ACAP1: variants seen among roughly 807,000 people sequenced by gnomAD.
ACAP1 encodes the protein arf-GAP with coiled-coil, ANK repeat and PH domain-containing protein 1.
In ACAP1, 45 loss-of-function variants were observed where a neutral mutation model predicts 98.8. The observed-to-expected ratio is 0.46, with a 90% CI of 0.36 to 0.58. The LOEUF (loss-of-function observed/expected upper bound fraction) is 0.58. Ranked by LOEUF, ACAP1 falls within the 20% of genes least tolerant of loss-of-function variation. ACAP1 has a pLI of 0.00. For synonymous variants in ACAP1, 362 were observed against 375.3 expected, an observed-to-expected ratio of 0.96 and a Z score of 0.41; for missense variants, 735 against 971.4, an observed-to-expected ratio of 0.76 and a Z score of 3.24.
chr17:7,342,491 C>T lies in ACAP1; in HGVS notation c.344+17C>T, dbSNP rs375633532. On this transcript the variant is annotated intron_variant, in intron 5 of 21. Coordinates refer to ENST00000158762, the MANE Select transcript of ACAP1 (RefSeq NM_014716.4). ...GGTCAAGGAGTGAGATGGGGCCGGG[C>T]GCAGTGGCTCATGCCTGTAATCCCA... 4.9e-4 allele frequency: 790 copies of T among 1,613,640 alleles called. 4 individuals are homozygous for T. The highest frequency in any genetic ancestry group is 3.8e-3 in the South Asian group (345 of 91,068).
In ACAP1 at chr17:7,343,639, A is replaced by T. The variant is rs2143016854; in HGVS notation, c.529-67A>T. ...CGAGGCTTGGGGGTCTCCAGTGTGC[A>T]GTGGGAAGGGGTGCTGTGTCTTCAA... On this transcript the variant is annotated intron_variant, in intron 6 of 21. Coordinates refer to ENST00000158762, the MANE Select transcript of ACAP1 (RefSeq NM_014716.4). The surrounding 1 kb of genome is among the most constrained non-coding windows in gnomAD (Gnocchi z 4.9). 3.1e-6 allele frequency: 5 copies of T among 1,597,860 alleles called. No individual in the cohort carries two copies. Among genetic ancestry groups the T allele is most frequent in the Middle Eastern group, 1.7e-4 (1 of 5,978 alleles).
chr17:7,342,187 C>T (rs62059223), intron 3 of ACAP1, 88 bp from the exon 4 acceptor site: 15 of 1,606,682 alleles, frequency 9.3e-6, no homozygotes, highest in African/African-American at 1.3e-5. Flanking sequence ...GGGCTGCTGT[C>T]CATGACAGCC....
rs2073307256 is a variant in ACAP1, at chr17:7,343,107, A to C, written c.345-272A>C. 2.6e-6 allele frequency: 1 copy of C among 379,624 alleles called. No individual in the cohort carries two copies. Among genetic ancestry groups the C allele is most frequent in the African/African-American group, 2.1e-5 (1 of 48,232 alleles). The allele number at this position is 379,624 out of a possible 1,614,324, so 23.5% of individuals were successfully genotyped here. A position where few individuals can be genotyped will look rare whatever the true frequency, so the allele number is the denominator to read the frequency against. ...AAACAAAAACAACAACAACAACAAA[A>C]ATTTTTTAAAGGGGGAGTGAGATGG... On this transcript the variant is annotated intron_variant, in intron 5 of 21. Coordinates refer to ENST00000158762, the MANE Select transcript of ACAP1 (RefSeq NM_014716.4). This position sits in a 1 kb window ranked among gnomAD's most constrained non-coding sequence, Gnocchi z 4.9.
intron 2 of ACAP1, among the ~76,000 whole-genome samples, chr17:7,340,043 T>C (rs1442857379): frequency 6.6e-6 from 1 of 152,152 alleles, no homozygotes; most frequent in African/African-American, 2.4e-5. Context: ...GGAGGGTTGC[T>C]TGAGGCCAGA....
At chr17:7,342,585 G>A (rs932701048) in intron 5 of ACAP1, 111 bp downstream of exon 5, 3 of 1,216,016 alleles carry the variant, frequency 2.5e-6, no homozygotes, top group African/African-American at 3.0e-5. Flanking sequence ...AGCCAACATG[G>A]CGAAACTGTC....
At chr17:7,342,577 C>A in intron 5 of ACAP1, 103 bp downstream of exon 5, 1 of 1,282,436 alleles carries the variant, frequency 7.8e-7, no homozygotes, top group Non-Finnish European at 1.1e-6. Flanking sequence ...ACCAACCTAG[C>A]CAACATGGCG....
Position 7,343,142 on chromosome 17 carries a change from G to T in ACAP1, c.345-237G>T. On this transcript the variant is annotated intron_variant, in intron 5 of 21. Coordinates refer to ENST00000158762, the MANE Select transcript of ACAP1 (RefSeq NM_014716.4). The surrounding 1 kb of genome is among the most constrained non-coding windows in gnomAD (Gnocchi z 4.9). ...AGGGGGAGTGAGATGGGAGAGAAGG[G>T]GGCCTTATTTCTCGGAAACCAGCCC... 1 of 469,586 alleles carries T rather than the reference G, an allele frequency of 2.1e-6. No homozygotes were observed. The highest frequency in any genetic ancestry group is 4.3e-5 in the South Asian group (1 of 23,440). 29.1% of individuals were successfully genotyped at this position (469,586 alleles called of 1,614,324 possible). A position where few individuals can be genotyped will look rare whatever the true frequency, so the allele number is the denominator to read the frequency against.
In ACAP1 at chr17:7,348,201, A is replaced by G. The variant is rs773128546; in HGVS notation, c.1488A>G (p.Lys496=). 2 of 1,613,896 alleles carry G rather than the reference A, an allele frequency of 1.2e-6. No homozygotes were observed. Among genetic ancestry groups the G allele is most frequent in the South Asian group, 2.2e-5 (2 of 91,048 alleles). The change falls in exon 16 of 22, where the codon AAA becomes AAG. Residue 496 remains lysine (K), a synonymous_variant. Coordinates refer to ENST00000158762, the MANE Select transcript of ACAP1 (RefSeq NM_014716.4). ...EARVEAMAVK[K]PGPSCSRQEK... ...GCGTGGAGGCCATGGCAGTGAAGAA[A>G]CCAGGGCCCAGCTGCTCCCGGTGAG... is the stretch of plus-strand genomic sequence containing the variant.
Position 7,344,744 on chromosome 17 carries a change from C to T in ACAP1, c.854+96C>T. On this transcript the variant is annotated intron_variant, in intron 10 of 21. Coordinates refer to ENST00000158762, the MANE Select transcript of ACAP1 (RefSeq NM_014716.4). The surrounding 1 kb of genome is among the most constrained non-coding windows in gnomAD (Gnocchi z 4.9). ...AGCACTGCAAGGAAAAACAGACGAA[C>T]CCCCCTGCCTCAGTAGAGTTTCATT... 1.2e-6 allele frequency: 1 copy of T among 821,562 alleles called. No individual in the cohort carries two copies. Among genetic ancestry groups the T allele is most frequent in the Non-Finnish European group, 2.0e-6 (1 of 505,028 alleles). 50.9% of individuals were successfully genotyped at this position (821,562 alleles called of 1,614,324 possible).
At chr17:7,337,204 T>A in intron 1 of ACAP1, 108 bp from the exon 2 acceptor site, 1 of 1,035,004 alleles carries the variant, frequency 9.7e-7, no homozygotes, top group South Asian at 1.4e-5. Flanking sequence ...GCCTCTCAAC[T>A]CTGCAGCTTT....
chr17:7,336,913 G>A, intron 1 of ACAP1, 126 bp downstream of exon 1: 1 of 973,292 alleles, frequency 1.0e-6, no homozygotes, highest in African/African-American at 1.6e-5. Flanking sequence ...GCGAGCCTGT[G>A]GGCCAAAGTG....
In ACAP1 at chr17:7,347,966, A is replaced by C; in HGVS notation, c.1388A>C (p.Asp463Ala). The change falls in exon 15 of 22, where the codon GAC becomes GCC. Residue 463 changes from aspartate to alanine, a missense_variant. Asp to Ala is a moderately radical substitution (Grantham distance 126). Around this residue, in one of 5 missense-constraint regions of ACAP1, gnomAD observed 81 missense variants for 132.0 expected, o/e 0.61. Coordinates refer to ENST00000158762, the MANE Select transcript of ACAP1 (RefSeq NM_014716.4). ...TCCAAAGTCCGGTCTCTGACCCTTG[A>C]CTCATGGGAGCCAGAACTAGTGAAG... ...HFSKVRSLTL[D>A]SWEPELVKLM... The C allele has an allele frequency of 6.2e-7, 1 of 1,613,988 alleles. No individual in the cohort carries two copies. The highest frequency in any genetic ancestry group is 1.3e-5 in the African/African-American group (1 of 74,964).
In ACAP1 at chr17:7,336,835, C is replaced by G; in HGVS notation, c.53+48C>G. On this transcript the variant is annotated intron_variant, in intron 1 of 21. Transcript: ENST00000158762. ...GGCTAAGGAGGGGAAAGTCTAACAC[C>G]CCCAGCACACACACACCTTTCCCCA... is the stretch of plus-strand genomic sequence containing the variant. 5 of 1,584,658 alleles carry G rather than the reference C, an allele frequency of 3.2e-6. No individual in the cohort carries two copies. The East Asian group carries it at 1.1e-4, about 35-fold the overall frequency.
intron 12 of ACAP1, 43 bp downstream of exon 12, chr17:7,346,534 A>G: frequency 6.7e-7 from 1 of 1,499,712 alleles, no homozygotes; most frequent in East Asian, 2.3e-5. Context: ...ATATCTAAAC[A>G]ACTGCCAATC....
rs1222150163 is a variant in ACAP1, at chr17:7,350,540, G to A, written c.2072+303G>A. The A allele has an allele frequency of 6.2e-6, 3 of 486,216 alleles. No individual in the cohort carries two copies. Among genetic ancestry groups the A allele is most frequent in the Admixed American group, 3.7e-5 (1 of 26,694 alleles). The allele number at this position is 486,216 out of a possible 1,614,324, so 30.1% of individuals were successfully genotyped here. ...CTTTTTAGCACTAGACGTGACCCCG[G>A]GGGTGGGGGCAGATGAACGGAACGC... On this transcript the variant is annotated intron_variant, in intron 20 of 21. Coordinates refer to ENST00000158762, the MANE Select transcript of ACAP1 (RefSeq NM_014716.4). This position sits in a 1 kb window ranked among gnomAD's most constrained non-coding sequence, Gnocchi z 4.6.
Position 7,336,541 on chromosome 17 carries a change from A to C in ACAP1, c.-194A>C. 5.2e-5 allele frequency: 28 copies of C among 542,352 alleles called. No individual in the cohort carries two copies. Among genetic ancestry groups the C allele is most frequent in the East Asian group, 9.9e-5 (3 of 30,210 alleles). 33.6% of individuals were successfully genotyped at this position (542,352 alleles called of 1,614,324 possible). A position where few individuals can be genotyped will look rare whatever the true frequency, so the allele number is the denominator to read the frequency against. On this transcript the variant is annotated 5_prime_UTR_variant, in exon 1 of 22. Transcript: ENST00000158762. ...CCCTGCCCCTCCCAGCACTGCCTGG[A>C]AGTGTGGGGTGAGAGCTCCTCCTAG... is the stretch of plus-strand genomic sequence containing the variant.
chr17:7,347,319 G>A (rs763649211), intron 14 of ACAP1, 77 bp downstream of exon 14: 62 of 1,337,294 alleles, frequency 4.6e-5, no homozygotes, highest in Non-Finnish European at 6.0e-5. Flanking sequence ...GCATCACACC[G>A]GCCCCTCTTC....
At chr17:7,349,879 A>C in intron 18 of ACAP1, 66 bp from the exon 19 acceptor site, 1 of 1,329,984 alleles carries the variant, frequency 7.5e-7, no homozygotes, top group Non-Finnish European at 1.1e-6. Context: ...GCGCCACCCT[A>C]AGACATCTTG....
At chr17:7,345,315 TTTTC>T (rs930693679) in intron 10 of ACAP1, 1 of 150,238 alleles carries the variant, frequency 6.7e-6, no homozygotes, top group Non-Finnish European at 1.5e-5. Context: ...TTTCTTTTTC[TTTTC>T]TTTTTTTTTT....
Sources: allele counts gnomAD v4.1 joint callset (sites outside exome capture counted in the v4.1 genomes callset), GRCh38; gene constraint gnomAD v4.1.1; regional missense constraint gnomAD v4.1.1; non-coding constraint Gnocchi (gnomAD v3.1); transcripts MANE v1.5; gene names NCBI Gene and HGNC (gene_info 2026-07-23, HGNC 2026-07-21).